TBC1D5: variants seen among roughly 807,000 people sequenced by gnomAD.
The protein encoded by TBC1D5 is TBC1 domain family, member 5.
TBC1D5 carries 75 observed loss-of-function variants against 100.3 expected under a neutral mutation model. The ratio of observed to expected loss-of-function variants is 0.75; its 90% CI spans 0.62 to 0.91. TBC1D5 has a LOEUF of 0.91. Ranked by LOEUF, TBC1D5 falls within the 40% of genes least tolerant of loss-of-function variation. The probability of loss-of-function intolerance (pLI) is 0.00; values close to 1 mark genes in which losing one functional copy is unlikely to be tolerated. For missense variants in TBC1D5, 910 were observed against 942.4 expected, an observed-to-expected ratio of 0.97 and a Z score of 0.45; for synonymous variants, 323 against 325.6, an observed-to-expected ratio of 0.99 and a Z score of 0.09.
At chr3:17,448,367 C>T (rs1197732482) in intron 3 of TBC1D5, among the ~76,000 whole-genome samples, 1 of 152,174 alleles carries the variant, frequency 6.6e-6, no homozygotes, top group Non-Finnish European at 1.5e-5. Context: ...TTTTGACCTC[C>T]TCCCATGAAT....
chr3:17,431,764 A>C (rs1171278408), intron 3 of TBC1D5, among the ~76,000 whole-genome samples: 1 of 152,102 alleles, frequency 6.6e-6, no homozygotes, highest in Non-Finnish European at 1.5e-5. Context: ...TAACATGTGT[A>C]TCTAACTTAC....
chr3:17,180,823 T>C (rs2068356445), intron 19 of TBC1D5, among the ~76,000 whole-genome samples: 1 of 151,434 alleles, frequency 6.6e-6, no homozygotes, highest in African/African-American at 2.4e-5. Flanking sequence ...CAATGTACAC[T>C]ATTTGGGTGA....
intron 15 of TBC1D5, among the ~76,000 whole-genome samples, chr3:17,274,267 T>C (rs1277676588): frequency 6.6e-6 from 1 of 152,236 alleles, no homozygotes; most frequent in East Asian, 1.9e-4. Context: ...CAGAGGTCAA[T>C]TCCTTTTGAA....
intron 13 of TBC1D5, among the ~76,000 whole-genome samples, chr3:17,329,276 A>G (rs772922346): frequency 3.9e-5 from 6 of 152,230 alleles, no homozygotes; most frequent in Non-Finnish European, 8.8e-5. Context: ...ATGGGTTTAT[A>G]TAACAAACAT....
intron 18 of TBC1D5, among the ~76,000 whole-genome samples, chr3:17,213,209 C>T (rs2073193529): frequency 6.6e-6 from 1 of 152,118 alleles, no homozygotes. Flanking sequence ...AGGTTTGTAG[C>T]CTAGGAGTAA....
intron 19 of TBC1D5, among the ~76,000 whole-genome samples, chr3:17,183,432 C>T (rs750040738): frequency 6.6e-6 from 1 of 152,166 alleles, no homozygotes; most frequent in Non-Finnish European, 1.5e-5. Flanking sequence ...ACCGAACTGG[C>T]GACTTGGTTA....
chr3:17,556,097 C>T (rs2096517622), intron 2 of TBC1D5, among the ~76,000 whole-genome samples: 1 of 152,136 alleles, frequency 6.6e-6, no homozygotes, highest in Non-Finnish European at 1.5e-5. Flanking sequence ...TCCCTGCAAC[C>T]TCTGCCTCCC....
chr3:17,669,320 A>G (rs2067658089), intron 1 of TBC1D5, among the ~76,000 whole-genome samples: 1 of 152,220 alleles, frequency 6.6e-6, no homozygotes, highest in Non-Finnish European at 1.5e-5. Flanking sequence ...TAAATTACCC[A>G]GTCTCAGGCA....
intron 1 of TBC1D5, among the ~76,000 whole-genome samples, chr3:17,692,924 G>A (rs1440344226): frequency 6.6e-6 from 1 of 152,240 alleles, no homozygotes; most frequent in African/African-American, 2.4e-5. Context: ...GAACCCAAGA[G>A]TTCAAGACCA....
chr3:17,181,571 C>A (rs1485558679), intron 19 of TBC1D5, among the ~76,000 whole-genome samples: 1 of 152,190 alleles, frequency 6.6e-6, no homozygotes, highest in Non-Finnish European at 1.5e-5. Flanking sequence ...GGGTTCAACC[C>A]TAGATCTGTT....
In TBC1D5 at chr3:17,341,180, T is replaced by C. The variant is rs2088843717; in HGVS notation, c.995+30895A>G. On this transcript the variant is annotated intron_variant, in intron 13 of 21. Transcript: ENST00000253692. ...ATTACTATGTTGAGCACTTTACATG[T>C]AGCTCTTTATTAAATTCTGAATTCT... Among the ~76,000 whole-genome samples, 5 of 152,304 alleles carry C rather than the reference T, an allele frequency of 3.3e-5. No individual in the cohort carries two copies. The South Asian group carries it at 1.0e-3, about 32-fold the overall frequency.
chr3:17,737,720 A>G (rs1325690032), intron 1 of TBC1D5, among the ~76,000 whole-genome samples: 1 of 152,144 alleles, frequency 6.6e-6, no homozygotes, highest in East Asian at 1.9e-4. Flanking sequence ...AGCCTTCATC[A>G]CTAGCAAAAA....
intron 13 of TBC1D5, among the ~76,000 whole-genome samples, chr3:17,327,471 C>A (rs2086290040): frequency 6.6e-6 from 1 of 152,204 alleles, no homozygotes; most frequent in Non-Finnish European, 1.5e-5. Context: ...TTCCTACAGT[C>A]CTGCTCACTT....
chr3:17,185,109 C>G lies in TBC1D5; in HGVS notation c.1852G>C (p.Val618Leu), dbSNP rs149215404. 2.4e-3 allele frequency: 3,832 copies of G among 1,609,998 alleles called. 6 individuals carry two copies. The highest frequency in any genetic ancestry group is 2.8e-3 in the Non-Finnish European group (3,265 of 1,177,370). ...CCCAGGGCCAAAGTAATTCACTTAC[C>G]AAGATGAGTGTCCATCACCTTTGCA... is the stretch of plus-strand genomic sequence containing the variant. The change falls in exon 19 of 22, where the codon GTA becomes CTA. Residue 618 changes from valine (V) to leucine (L), a missense_variant and splice_region_variant. Coordinates refer to ENST00000253692, the Ensembl canonical transcript of TBC1D5.
intron 1 of TBC1D5, among the ~76,000 whole-genome samples, chr3:17,625,871 GTTGT>G (rs1281601289): frequency 6.6e-6 from 1 of 151,908 alleles, no homozygotes; most frequent in Non-Finnish European, 1.5e-5. Context: ...AAAATTCCTA[GTTGT>G]TTGAGTTTAG....
intron 21 of TBC1D5, among the ~76,000 whole-genome samples, chr3:17,164,312 C>T (rs1164205159): frequency 6.6e-6 from 1 of 152,212 alleles, no homozygotes; most frequent in Non-Finnish European, 1.5e-5. Context: ...GGCCCTTCTG[C>T]ACTATCTTTT....
chr3:17,463,332 AC>A (rs1000687066), intron 3 of TBC1D5, among the ~76,000 whole-genome samples: 1 of 152,166 alleles, frequency 6.6e-6, no homozygotes, highest in Non-Finnish European at 1.5e-5. Flanking sequence ...TTATTTGCCT[AC>A]TTCTGGGTTC....
At chr3:17,291,865 A>C (rs1559564094) in intron 15 of TBC1D5, 30 bp downstream of exon 15, 2 of 1,586,450 alleles carry the variant, frequency 1.3e-6, no homozygotes, top group Non-Finnish European at 1.7e-6. Context: ...CCCAACTTAA[A>C]ATTATGCATA....
At chr3:17,473,171 C>T (rs557631917) in intron 3 of TBC1D5, among the ~76,000 whole-genome samples, 3 of 151,936 alleles carry the variant, frequency 2.0e-5, no homozygotes, top group Admixed American at 6.6e-5. Flanking sequence ...TTTAGGAGGC[C>T]GAGACAGAAG....
Sources: allele counts gnomAD v4.1 joint callset (sites outside exome capture counted in the v4.1 genomes callset), GRCh38; gene constraint gnomAD v4.1.1; transcripts MANE v1.5; gene names NCBI Gene and HGNC (gene_info 2026-07-23, HGNC 2026-07-21).